Variants in ATL2 observed in about 807,000 individuals in gnomAD.
ATL2 encodes the protein atlastin GTPase 2.
In ATL2, 31 loss-of-function variants were observed where a neutral mutation model predicts 73.9. That is an observed-to-expected ratio of 0.42 (90% CI 0.32 to 0.57). The LOEUF is 0.57. ATL2 is among the 20% of genes least tolerant of loss of function. The probability of loss-of-function intolerance (pLI) is 0.14; values close to 1 mark genes in which losing one functional copy is unlikely to be tolerated. For synonymous variants in ATL2, 291 were observed against 237.5 expected, an observed-to-expected ratio of 1.23 and a Z score of -2.07; for missense variants, 738 against 702.6, an observed-to-expected ratio of 1.05 and a Z score of -0.57.
At chr2:38,352,926 G>A (rs746687279) in intron 1 of ATL2, among the ~76,000 whole-genome samples, 21 of 152,270 alleles carry the variant, frequency 1.4e-4, no homozygotes, top group Non-Finnish European at 2.5e-4. Flanking sequence ...CCACACTAAC[G>A]AAGTATGAAG....
chr2:38,306,469 G>A (rs1447146636), intron 9 of ATL2, among the ~76,000 whole-genome samples: 1 of 152,116 alleles, frequency 6.6e-6, no homozygotes, highest in African/African-American at 2.4e-5. Context: ...GATGAACACT[G>A]TTGCAAAAAT....
intron 4 of ATL2, 54 bp downstream of exon 4, chr2:38,318,481 A>G: frequency 7.3e-7 from 1 of 1,367,124 alleles, no homozygotes; most frequent in South Asian, 1.4e-5. Flanking sequence ...AAGAAAAAAA[A>G]AAGGGGCCAA....
intron 3 of ATL2, 117 bp downstream of exon 3, chr2:38,318,768 T>C (rs1668165154): frequency 7.4e-7 from 1 of 1,352,064 alleles, no homozygotes; most frequent in Non-Finnish European, 1.0e-6. Context: ...ACATTTGACA[T>C]AATAATCCGT....
intron 7 of ATL2, 21 bp downstream of exon 7, chr2:38,313,130 C>A: frequency 6.4e-7 from 1 of 1,569,218 alleles, no homozygotes. Flanking sequence ...ATGTTCTCCT[C>A]TTTAAGCATT....
chr2:38,296,828 CCATTT>C (rs1330441688), intron 12 of ATL2: 23 of 1,369,358 alleles, frequency 1.7e-5, no homozygotes, highest in African/African-American at 2.9e-5. Context: ...TTAGATTCTT[CCATTT>C]AATTGTTTTG....
intron 2 of ATL2, among the ~76,000 whole-genome samples, chr2:38,323,275 T>A: frequency 7.1e-6 from 1 of 141,026 alleles, no homozygotes; most frequent in East Asian, 2.0e-4. Flanking sequence ...ACCAGACATA[T>A]AAAGTAAATA....
At chr2:38,308,901 T>A (rs1573444999) in intron 9 of ATL2, among the ~76,000 whole-genome samples, 1 of 151,964 alleles carries the variant, frequency 6.6e-6, no homozygotes, top group African/African-American at 2.4e-5. Context: ...GCGGTCTTGT[T>A]CTGGCAGGCA....
chr2:38,354,680 G>A (rs568747917), intron 1 of ATL2, among the ~76,000 whole-genome samples: 1 of 151,874 alleles, frequency 6.6e-6, no homozygotes, highest in Non-Finnish European at 1.5e-5. Context: ...ACCTGAGGTT[G>A]AGAGTTCGAG....
chr2:38,359,450 C>G (rs1040048072), intron 1 of ATL2: 1 of 150,020 alleles, frequency 6.7e-6, no homozygotes, highest in East Asian at 1.9e-4. Flanking sequence ...TGCACTCCAG[C>G]CTCAGTGACA....
chr2:38,346,245 A>ACCT (rs1384539646), intron 1 of ATL2, among the ~76,000 whole-genome samples: 2 of 152,206 alleles, frequency 1.3e-5, no homozygotes, highest in East Asian at 3.8e-4. Flanking sequence ...CTGCCACAGT[A>ACCT]CCTCACACTG....
intron 1 of ATL2, among the ~76,000 whole-genome samples, chr2:38,347,924 G>A (rs1191998393): frequency 4.6e-5 from 7 of 151,434 alleles, no homozygotes; most frequent in African/African-American, 9.7e-5. Flanking sequence ...CCAATGCCTC[G>A]CCAAGCTAAT....
intron 8 of ATL2, among the ~76,000 whole-genome samples, chr2:38,309,877 C>A (rs945521040): frequency 6.6e-6 from 1 of 152,090 alleles, no homozygotes; most frequent in South Asian, 2.1e-4. Flanking sequence ...GTTTTACCAG[C>A]CATACTGTAA....
At chr2:38,375,193 G>A (rs961558156) in intron 1 of ATL2, among the ~76,000 whole-genome samples, 21 of 152,174 alleles carry the variant, frequency 1.4e-4, no homozygotes, top group Non-Finnish European at 3.1e-4. Context: ...ATTTCTCCAG[G>A]AAGCAGAGGG....
chr2:38,348,652 A>G (rs2124427948), intron 1 of ATL2, among the ~76,000 whole-genome samples: 1 of 151,902 alleles, frequency 6.6e-6, no homozygotes. Flanking sequence ...AAAAAAACCC[A>G]AAAGCCAAAA....
chr2:38,355,045 C>T (rs1670578224), intron 1 of ATL2, among the ~76,000 whole-genome samples: 1 of 151,926 alleles, frequency 6.6e-6, no homozygotes, highest in African/African-American at 2.4e-5. Flanking sequence ...TCAATAATTA[C>T]ATCAAATATA....
chr2:38,343,258 G>T lies in ATL2; in HGVS notation c.363+10C>A. 1 of 1,537,578 alleles carries T rather than the reference G, an allele frequency of 6.5e-7. No homozygotes were observed. The highest frequency in any genetic ancestry group is 1.2e-5 in the South Asian group (1 of 81,266). The stretch of plus-strand genomic sequence containing the variant: ...CTTTTTAATTGGGTTCAATTTAAAA[G>T]ACTATTCACCTTGTTATACATGTAT... On this transcript the variant is annotated intron_variant, in intron 2 of 12. Coordinates refer to ENST00000378954, the MANE Select transcript of ATL2 (RefSeq NM_001135673.4).
intron 2 of ATL2, among the ~76,000 whole-genome samples, chr2:38,328,371 C>A (rs548438269): frequency 6.6e-6 from 1 of 152,284 alleles, no homozygotes; most frequent in Non-Finnish European, 1.5e-5. Flanking sequence ...CAGCACAATA[C>A]ATACTCTTCT....
chr2:38,357,061 G>A (rs1412369587), intron 1 of ATL2, among the ~76,000 whole-genome samples: 1 of 152,138 alleles, frequency 6.6e-6, no homozygotes, highest in Non-Finnish European at 1.5e-5. Flanking sequence ...TGGGTGCGGT[G>A]GCTCACATCT....
chr2:38,364,687 C>A (rs73931212), intron 1 of ATL2, among the ~76,000 whole-genome samples: 1 of 152,104 alleles, frequency 6.6e-6, no homozygotes. Flanking sequence ...AAGAATTAAT[C>A]GAAAACACAG....
Sources: allele counts gnomAD v4.1 joint callset (sites outside exome capture counted in the v4.1 genomes callset), GRCh38; gene constraint gnomAD v4.1.1; transcripts MANE v1.5; gene names NCBI Gene and HGNC (gene_info 2026-07-23, HGNC 2026-07-21).